The following ELL variants were observed in gnomAD, a reference collection of about 807,000 sequenced individuals.
The protein encoded by ELL is RNA polymerase II elongation factor ELL.
ELL carries 18 observed loss-of-function variants against 64.0 expected under a neutral mutation model. The observed-to-expected ratio is 0.28, with a 90% confidence interval of 0.19 to 0.42. ELL has a LOEUF of 0.42. Ranked by LOEUF, ELL falls within the 10% of genes least tolerant of loss-of-function variation. ELL has a pLI of 1.00. For synonymous variants in ELL, 399 were observed against 376.2 expected (o/e 1.06, Z -0.70); for missense variants, 797 against 870.4 (o/e 0.92, Z 1.06).
intron 6 of ELL, among the ~76,000 whole-genome samples, chr19:18,454,750 C>T (rs916107246): frequency 1.9e-4 from 28 of 144,124 alleles, no homozygotes; most frequent in African/African-American, 5.7e-4. Context: ...CTGAGGTAGG[C>T]GAATCACTTG....
At chr19:18,466,574 CCT>C (rs1332900129) in intron 2 of ELL, among the ~76,000 whole-genome samples, 2 of 152,214 alleles carry the variant, frequency 1.3e-5, no homozygotes, top group Non-Finnish European at 2.9e-5. Flanking sequence ...AAGCTCCAGC[CCT>C]GTCTGGGAGG....
At chr19:18,481,395 C>G (rs1299768652) in intron 1 of ELL, among the ~76,000 whole-genome samples, 1 of 152,314 alleles carries the variant, frequency 6.6e-6, no homozygotes, top group South Asian at 2.1e-4. Flanking sequence ...CTGGCCTCTT[C>G]ACCTGCTGCA....
At chr19:18,504,546 C>G (rs1455464627) in intron 1 of ELL, among the ~76,000 whole-genome samples, 1 of 152,202 alleles carries the variant, frequency 6.6e-6, no homozygotes, top group Non-Finnish European at 1.5e-5. Flanking sequence ...GTCATCAGAG[C>G]AGTGATGCTC....
At chr19:18,503,361 G>A (rs1031107507) in intron 1 of ELL, among the ~76,000 whole-genome samples, 1 of 152,250 alleles carries the variant, frequency 6.6e-6, no homozygotes, top group Admixed American at 6.5e-5. Context: ...AACAGCAAGG[G>A]AGTGAAGCAG....
intron 6 of ELL, among the ~76,000 whole-genome samples, chr19:18,457,471 CAG>C (rs1974706226): frequency 6.6e-6 from 1 of 152,218 alleles, no homozygotes; most frequent in African/African-American, 2.4e-5. Flanking sequence ...CTCAGGGGAG[CAG>C]AGTGGACCCC....
intron 1 of ELL, among the ~76,000 whole-genome samples, chr19:18,478,754 G>T (rs192549790): frequency 1.4e-4 from 22 of 152,346 alleles, no homozygotes; most frequent in Non-Finnish European, 2.2e-4. Flanking sequence ...CCCTGACTCG[G>T]AGAACAGACC....
intron 2 of ELL, chr19:18,470,831 T>C (rs1311353305): frequency 1.8e-5 from 7 of 387,216 alleles, no homozygotes; most frequent in Admixed American, 3.2e-5. Context: ...CAGCTCCTAC[T>C]GGAGGTCTGC....
intron 2 of ELL, among the ~76,000 whole-genome samples, chr19:18,467,877 C>T (rs1230881291): frequency 1.7e-5 from 1 of 57,896 alleles, no homozygotes; most frequent in Non-Finnish European, 3.4e-5. Flanking sequence ...ACAATCCCCC[C>T]CACACACAAA....
At chr19:18,521,428 C>G (rs932435020) in intron 1 of ELL, among the ~76,000 whole-genome samples, 7 of 152,156 alleles carry the variant, frequency 4.6e-5, no homozygotes, top group African/African-American at 1.7e-4. Context: ...CTGACCACCC[C>G]CTGCCGGGCA....
At chr19:18,483,339 C>T (rs1259497836) in intron 1 of ELL, among the ~76,000 whole-genome samples, 1 of 152,198 alleles carries the variant, frequency 6.6e-6, no homozygotes, top group Non-Finnish European at 1.5e-5. Flanking sequence ...CTATCCAGGT[C>T]CTTCTTCCAG....
intron 6 of ELL, among the ~76,000 whole-genome samples, chr19:18,454,588 C>A (rs1243152640): frequency 6.6e-6 from 1 of 152,000 alleles, no homozygotes; most frequent in African/African-American, 2.4e-5. Flanking sequence ...TGCCTGTAAT[C>A]CCAGTACTTT....
rs546881267 is a variant in ELL at position 18,444,058 on chromosome 19, C to T, written c.*694G>A. The T allele has an allele frequency of 6.7e-4, 156 of 231,964 alleles. No homozygotes were observed. The highest frequency in any genetic ancestry group is 3.0e-3 in the African/African-American group (134 of 45,384). 14.4% of individuals were successfully genotyped at this position (231,964 alleles called of 1,614,324 possible). ...GGCAGGCCTGGGGGCGCTGAAAGCC[C>T]TCTGCCCCCTTGGCTCTGAGCAGCT... On this transcript the variant is annotated 3_prime_UTR_variant, in exon 12 of 12. Coordinates refer to ENST00000262809, the MANE Select transcript of ELL (RefSeq NM_006532.4).
intron 6 of ELL, among the ~76,000 whole-genome samples, chr19:18,454,266 G>A (rs957502669): frequency 5.9e-5 from 9 of 152,192 alleles, no homozygotes; most frequent in Non-Finnish European, 1.2e-4. Flanking sequence ...TTGGGAGGCC[G>A]AGGCAGGTGG....
intron 1 of ELL, among the ~76,000 whole-genome samples, chr19:18,520,684 T>G (rs556296487): frequency 6.6e-6 from 1 of 151,894 alleles, no homozygotes; most frequent in South Asian, 2.1e-4. Context: ...TCCTTCCTAG[T>G]TAGTCTCCCT....
intron 1 of ELL, among the ~76,000 whole-genome samples, chr19:18,485,413 C>A (rs1975389177): frequency 6.6e-6 from 1 of 152,194 alleles, no homozygotes. Flanking sequence ...AGCCTCACCA[C>A]AGAGCAGACT....
At position 18,482,308 on chromosome 19, in the gene ELL, C is replaced by CTTTTTT. The variant is rs530594631; in HGVS notation, c.136-9432_136-9427dup. ...TAGTCCATGGCTTGTCTTTTCATTC[C>CTTTTTT]TTTTTTTTTTTTTTTTTTTTTTTTT... is the stretch of plus-strand genomic sequence containing the variant. On this transcript the variant is annotated intron_variant, in intron 1 of 11. Transcript: ENST00000262809. Among the ~76,000 whole-genome samples the CTTTTTT allele has an allele frequency of 4.9e-3, 379 of 77,542 alleles. 75 individuals carry two copies. The highest frequency in any genetic ancestry group is 0.021 in the African/African-American group (315 of 15,312). 50.9% of individuals were successfully genotyped at this position (77,542 alleles called of 152,430 possible). A position where few individuals can be genotyped will look rare whatever the true frequency, so the allele number is the denominator to read the frequency against.
intron 1 of ELL, among the ~76,000 whole-genome samples, chr19:18,520,809 T>C (rs1209231234): frequency 6.7e-6 from 1 of 149,368 alleles, no homozygotes; most frequent in Non-Finnish European, 1.5e-5. Context: ...CCACTCCCTT[T>C]AGGGCAATGA....
At chr19:18,516,200 ACC>A (rs564309252) in intron 1 of ELL, among the ~76,000 whole-genome samples, 32 of 152,034 alleles carry the variant, frequency 2.1e-4, no homozygotes, top group Non-Finnish European at 4.6e-4. Flanking sequence ...CACACAGCCC[ACC>A]CACTTAGCAG....
intron 2 of ELL, among the ~76,000 whole-genome samples, chr19:18,472,113 C>A (rs186449193): frequency 7.9e-5 from 12 of 152,202 alleles, no homozygotes; most frequent in African/African-American, 2.6e-4. Context: ...TAGGCATGCA[C>A]CACCACACCC....
Sources: gnomAD v4.1 joint callset for allele counts (sites outside exome capture counted in the v4.1 genomes callset) on GRCh38, gnomAD v4.1.1 for gene constraint, MANE v1.5 for transcripts, NCBI Gene and HGNC (gene_info 2026-07-23, HGNC 2026-07-21) for gene names.